Variants in GRID2 observed in about 807,000 individuals in gnomAD.
GRID2 encodes the protein glutamate ionotropic receptor delta type subunit 2.
A neutral mutation model predicts 114.8 loss-of-function variants in GRID2; 33 were observed. That is an observed-to-expected ratio of 0.29 (90% CI 0.22 to 0.38). The LOEUF (loss-of-function observed/expected upper bound fraction) is 0.38. Among genes scored for constraint, GRID2 ranks in the 10% least tolerant of loss-of-function variants. GRID2 has a pLI of 1.00. For missense variants in GRID2, 1,184 were observed against 1,257.7 expected, an observed-to-expected ratio of 0.94 and a Z score of 0.89; for synonymous variants, 505 against 449.9, an observed-to-expected ratio of 1.12 and a Z score of -1.55.
At chr4:92,656,608 A>G (rs1286312733) in intron 2 of GRID2, among the ~76,000 whole-genome samples, 3 of 151,772 alleles carry the variant, frequency 2.0e-5, no homozygotes, top group African/African-American at 7.2e-5. Flanking sequence ...AAATCATCAC[A>G]ATCTAATCAT....
At chr4:93,256,813 T>C (rs915687150) in intron 8 of GRID2, among the ~76,000 whole-genome samples, 1 of 151,900 alleles carries the variant, frequency 6.6e-6, no homozygotes, top group Admixed American at 6.6e-5. Flanking sequence ...AATTGAGTTA[T>C]TCTGTACAGT....
chr4:93,151,885 G>A (rs1736771110), intron 4 of GRID2, among the ~76,000 whole-genome samples: 1 of 152,054 alleles, frequency 6.6e-6, no homozygotes, highest in Non-Finnish European at 1.5e-5. Flanking sequence ...GTGTCGTTGA[G>A]TTCTGAAATT....
intron 2 of GRID2, among the ~76,000 whole-genome samples, chr4:92,925,640 A>G (rs1245056518): frequency 1.3e-5 from 2 of 152,044 alleles, no homozygotes; most frequent in Non-Finnish European, 2.9e-5. Context: ...ATAAATGTAG[A>G]AATTTTCTGT....
intron 1 of GRID2, among the ~76,000 whole-genome samples, chr4:92,578,258 T>G: frequency 9.4e-6 from 1 of 106,232 alleles, no homozygotes; most frequent in Non-Finnish European, 1.9e-5. Flanking sequence ...CCTAATGCTA[T>G]CCCTCCCCCC....
intron 2 of GRID2, among the ~76,000 whole-genome samples, chr4:92,788,305 T>C (rs1196345017): frequency 6.6e-6 from 1 of 151,756 alleles, no homozygotes; most frequent in Admixed American, 6.6e-5. Flanking sequence ...AATGAGGAAA[T>C]TATTGTTGAC....
chr4:93,523,514 G>A (rs1730538191), intron 13 of GRID2, among the ~76,000 whole-genome samples: 1 of 152,122 alleles, frequency 6.6e-6, no homozygotes, highest in Non-Finnish European at 1.5e-5. Flanking sequence ...CAAAATCAAG[G>A]GATGCGCAGA....
intron 2 of GRID2, among the ~76,000 whole-genome samples, chr4:92,794,781 T>G (rs896040322): frequency 2.0e-5 from 3 of 150,754 alleles, no homozygotes; most frequent in Non-Finnish European, 4.4e-5. Flanking sequence ...AATCCATGTA[T>G]AAATTTTGAC....
At chr4:92,314,684 C>G (rs189502595) in intron 1 of GRID2, among the ~76,000 whole-genome samples, 1 of 152,138 alleles carries the variant, frequency 6.6e-6, no homozygotes, top group African/African-American at 2.4e-5. Context: ...TACCTTCTGG[C>G]TATGTGTGTA....
chr4:92,972,103 T>A (rs1018790517), intron 2 of GRID2, among the ~76,000 whole-genome samples: 1 of 152,100 alleles, frequency 6.6e-6, no homozygotes, highest in Non-Finnish European at 1.5e-5. Flanking sequence ...TTAGTTTTTT[T>A]TTCTCAGAAA....
At chr4:93,421,169 A>C (rs1016276787) in intron 9 of GRID2, among the ~76,000 whole-genome samples, 1 of 152,086 alleles carries the variant, frequency 6.6e-6, no homozygotes, top group Non-Finnish European at 1.5e-5. Flanking sequence ...CAGCCATTGT[A>C]TGTTCTTTCT....
At chr4:93,517,821 A>G (rs1729878304) in intron 13 of GRID2, among the ~76,000 whole-genome samples, 1 of 151,522 alleles carries the variant, frequency 6.6e-6, no homozygotes, top group Non-Finnish European at 1.5e-5. Context: ...ATAAGACATC[A>G]GAGGTCTTTT....
At chr4:92,813,629 T>A (rs1459131416) in intron 2 of GRID2, among the ~76,000 whole-genome samples, 5 of 152,072 alleles carry the variant, frequency 3.3e-5, no homozygotes, top group Non-Finnish European at 7.4e-5. Context: ...TCAGAATTCT[T>A]CATTTAACTT....
At chr4:93,390,401 C>T (rs937375948) in intron 8 of GRID2, among the ~76,000 whole-genome samples, 2 of 152,150 alleles carry the variant, frequency 1.3e-5, no homozygotes, top group Non-Finnish European at 2.9e-5. Flanking sequence ...TAATAACAAA[C>T]ATTTCTTTAG....
chr4:93,234,877 A>G (rs1052854316), intron 7 of GRID2, among the ~76,000 whole-genome samples: 3 of 152,034 alleles, frequency 2.0e-5, no homozygotes, highest in African/African-American at 7.2e-5. Context: ...TACCACACAC[A>G]TCTGCAGGTT....
At chr4:92,426,687 T>C (rs1284289963) in intron 1 of GRID2, among the ~76,000 whole-genome samples, 1 of 152,186 alleles carries the variant, frequency 6.6e-6, no homozygotes, top group Admixed American at 6.5e-5. Context: ...TTTGATTTGT[T>C]GAAAAACTGT....
In GRID2 at chr4:92,438,734, G is replaced by C. The variant is rs566884958; in HGVS notation, c.88+133990G>C. On this transcript the variant is annotated intron_variant, in intron 1 of 15. Coordinates refer to ENST00000282020, the MANE Select transcript of GRID2 (RefSeq NM_001510.4). ...CTGAAGAATCCCAGTCGTTCTAGGA[G>C]AAAGTTGTATTTTTGAATTCTCTTC... 2.0e-5 allele frequency among the ~76,000 whole-genome samples: 3 copies of C among 152,228 alleles called. No individual in the cohort carries two copies. The South Asian group carries it at 6.2e-4, about 32-fold the overall frequency.
At chr4:92,649,278 G>GCT (rs1731808386) in intron 2 of GRID2, among the ~76,000 whole-genome samples, 1 of 149,146 alleles carries the variant, frequency 6.7e-6, no homozygotes, top group Non-Finnish European at 1.5e-5. Context: ...AACCAAGAAA[G>GCT]CTCATGGTGA....
Position 92,987,771 on chromosome 4 carries a change from A to G in GRID2, c.245-97224A>G, listed in dbSNP as rs530441052. ...TTTTCAGAATATTAAAACAAAAAATATATACTTGTAGAACTTGGCAAATGC... is the reference window on the plus strand; with the variant it reads ...TTTTCAGAATATTAAAACAAAAAATGTATACTTGTAGAACTTGGCAAATGC... On this transcript the variant is annotated intron_variant, in intron 2 of 15. Coordinates refer to ENST00000282020, the MANE Select transcript of GRID2 (RefSeq NM_001510.4). Among the ~76,000 whole-genome samples the G allele has an allele frequency of 5.2e-3, 749 of 144,596 alleles. 8 individuals carry two copies. The highest frequency in any genetic ancestry group is 0.019 in the African/African-American group (717 of 38,376). The allele number at this position is 144,596 out of a possible 152,430, so 94.9% of individuals were successfully genotyped here.
intron 11 of GRID2, among the ~76,000 whole-genome samples, chr4:93,463,138 T>C (rs1723911078): frequency 6.6e-6 from 1 of 152,152 alleles, no homozygotes; most frequent in Non-Finnish European, 1.5e-5. Context: ...CCCATGCTGA[T>C]TTAAAACATG....
Sources: gnomAD v4.1 joint callset for allele counts (sites outside exome capture counted in the v4.1 genomes callset) on GRCh38, gnomAD v4.1.1 for gene constraint, MANE v1.5 for transcripts, NCBI Gene and HGNC (gene_info 2026-07-23, HGNC 2026-07-21) for gene names.